The following FMN2 variants were observed in gnomAD, a reference collection of about 807,000 sequenced individuals.
The protein encoded by FMN2 is formin 2, also known as formin-2.
Under a neutral mutation model 142.3 loss-of-function variants are expected in FMN2, and 51 were observed. That is an observed-to-expected ratio of 0.36 (90% CI 0.29 to 0.45). FMN2 has a LOEUF of 0.45. Among genes scored for constraint, FMN2 ranks in the 20% least tolerant of loss-of-function variants. FMN2 has a pLI of 1.00. For missense variants in FMN2, 1,936 were observed against 2,122.8 expected (o/e 0.91, Z 1.73); for synonymous variants, 882 against 869.8 (o/e 1.01, Z -0.25).
chr1:240,362,170 A>G (rs1488757725), intron 14 of FMN2, among the ~76,000 whole-genome samples: 1 of 152,268 alleles, frequency 6.6e-6, no homozygotes, highest in Non-Finnish European at 1.5e-5. Flanking sequence ...TTGCGGGACA[A>G]CTGTAACTGA....
intron 6 of FMN2, among the ~76,000 whole-genome samples, chr1:240,254,253 A>G (rs1007190250): frequency 6.6e-6 from 1 of 151,858 alleles, no homozygotes; most frequent in Non-Finnish European, 1.5e-5. Flanking sequence ...ATGACAGGCC[A>G]CGCGGGGCAG....
At chr1:240,465,376 GTGTGTGTGTGTC>G (rs1476862714) in intron 16 of FMN2, among the ~76,000 whole-genome samples, 4 of 104,932 alleles carry the variant, frequency 3.8e-5, no homozygotes, top group East Asian at 2.5e-4. Context: ...GTGTGTGTGT[GTGTGTGTGTGTC>G]TGTCTTTCTC....
At chr1:240,127,321 G>A (rs373279268) in intron 2 of FMN2, among the ~76,000 whole-genome samples, 1 of 151,286 alleles carries the variant, frequency 6.6e-6, no homozygotes, top group Non-Finnish European at 1.5e-5. Context: ...GATCTGCCAC[G>A]TCGGCCTCTC....
At chr1:240,239,486 C>T (rs1667819345) in intron 6 of FMN2, among the ~76,000 whole-genome samples, 1 of 152,218 alleles carries the variant, frequency 6.6e-6, no homozygotes, top group South Asian at 2.1e-4. Flanking sequence ...CTCTCTTTAA[C>T]TTCCAAACTC....
At chr1:240,401,550 G>A (rs1010563241) in intron 15 of FMN2, among the ~76,000 whole-genome samples, 1 of 152,164 alleles carries the variant, frequency 6.6e-6, no homozygotes, top group African/African-American at 2.4e-5. Flanking sequence ...ACACAATTTA[G>A]TTTTACTTTA....
chr1:240,327,173 T>G (rs1020531823), intron 8 of FMN2, among the ~76,000 whole-genome samples: 15 of 152,334 alleles, frequency 9.8e-5, no homozygotes, highest in Non-Finnish European at 7.4e-5. Flanking sequence ...TTGAGTAGCT[T>G]GGGATATTTG....
At chr1:240,221,849 CTTT>C (rs34473197) in intron 6 of FMN2, among the ~76,000 whole-genome samples, 6 of 115,248 alleles carry the variant, frequency 5.2e-5, no homozygotes, top group Admixed American at 9.6e-5. Context: ...CTTCTAGGGA[CTTT>C]TTTTTTTTTT....
intron 16 of FMN2, among the ~76,000 whole-genome samples, chr1:240,461,937 G>T (rs951674028): frequency 2.6e-5 from 4 of 152,076 alleles, no homozygotes; most frequent in African/African-American, 9.7e-5. Flanking sequence ...CTTTTTCTGG[G>T]TATCTGTGAA....
At chr1:240,124,224 A>G (rs547784964) in intron 2 of FMN2, among the ~76,000 whole-genome samples, 4 of 152,272 alleles carry the variant, frequency 2.6e-5, no homozygotes, top group Non-Finnish European at 5.9e-5. Context: ...CTGTAAGTCC[A>G]TATGTATGAC....
At chr1:240,249,721 T>C (rs1668213977) in intron 6 of FMN2, among the ~76,000 whole-genome samples, 1 of 152,168 alleles carries the variant, frequency 6.6e-6, no homozygotes, top group African/African-American at 2.4e-5. Context: ...ATATTTATTC[T>C]TCCTGTCCAT....
At chr1:240,374,501 A>C (rs1368331890) in intron 14 of FMN2, among the ~76,000 whole-genome samples, 8 of 152,180 alleles carry the variant, frequency 5.3e-5, no homozygotes, top group Admixed American at 5.2e-4. Context: ...CTCCATCAGC[A>C]CTTGGTACTT....
intron 2 of FMN2, among the ~76,000 whole-genome samples, chr1:240,166,146 A>G (rs1001235232): frequency 6.7e-6 from 1 of 148,962 alleles, no homozygotes; most frequent in African/African-American, 2.4e-5. Flanking sequence ...ATATATGTAT[A>G]TAAATATAAA....
chr1:240,430,622 T>G (rs1312567465), intron 15 of FMN2, among the ~76,000 whole-genome samples: 1 of 151,962 alleles, frequency 6.6e-6, no homozygotes, highest in Non-Finnish European at 1.5e-5. Context: ...AGCCTTATGT[T>G]TCTGTCTTCT....
intron 1 of FMN2, among the ~76,000 whole-genome samples, chr1:240,099,970 T>C (rs1386435045): frequency 1.3e-5 from 2 of 152,148 alleles, no homozygotes; most frequent in African/African-American, 4.8e-5. Context: ...CCTGTCAATA[T>C]GTGTAAAGCA....
chr1:240,334,057 T>C, intron 12 of FMN2, 52 bp from the exon 13 acceptor site: 1 of 1,572,308 alleles, frequency 6.4e-7, no homozygotes, highest in Non-Finnish European at 8.6e-7. Flanking sequence ...ATTATTCTTT[T>C]TTATATTGAT....
At chr1:240,281,291 A>G (rs1178366130) in intron 7 of FMN2, among the ~76,000 whole-genome samples, 1 of 152,184 alleles carries the variant, frequency 6.6e-6, no homozygotes, top group Non-Finnish European at 1.5e-5. Context: ...ATCTTACAGT[A>G]AAGCTCCATC....
chr1:240,431,924 AT>A (rs1263280819), intron 15 of FMN2, among the ~76,000 whole-genome samples: 1 of 149,864 alleles, frequency 6.7e-6, no homozygotes, highest in African/African-American at 2.5e-5. Flanking sequence ...CTATACATTT[AT>A]TTTTTTTCTT....
intron 15 of FMN2, among the ~76,000 whole-genome samples, chr1:240,419,385 T>C (rs1674689042): frequency 6.6e-6 from 1 of 152,098 alleles, no homozygotes; most frequent in Non-Finnish European, 1.5e-5. Flanking sequence ...CTCCACAATT[T>C]TACTTTCAAC....
Position 240,148,273 on chromosome 1 carries a change from TAGACAGAGACAG to T in FMN2, c.1782+24936_1782+24947del, listed in dbSNP as rs1466247049. 5.4e-5 allele frequency among the ~76,000 whole-genome samples: 6 copies of T among 110,584 alleles called. No homozygotes were observed. The East Asian group carries it at 1.6e-3, about 29-fold the overall frequency. The allele number at this position is 110,584 out of a possible 152,430, so 72.5% of individuals were successfully genotyped here. A position where few individuals can be genotyped will look rare whatever the true frequency, so the allele number is the denominator to read the frequency against. On this transcript the variant is annotated intron_variant, in intron 2 of 17. Coordinates refer to ENST00000319653, the MANE Select transcript of FMN2 (RefSeq NM_020066.5). ...ACAGAGATAGACAGAGAGACAGAGA[TAGACAGAGACAG>T]AGACAGACAGAGACAGAGAGAGAGA...
Sources: gnomAD v4.1 joint callset for allele counts (sites outside exome capture counted in the v4.1 genomes callset) on GRCh38, gnomAD v4.1.1 for gene constraint, MANE v1.5 for transcripts, NCBI Gene and HGNC (gene_info 2026-07-23, HGNC 2026-07-21) for gene names.